Variants in MTA3 observed in about 807,000 individuals in gnomAD.
MTA3 encodes the protein metastasis associated 1 family member 3.
A neutral mutation model predicts 83.5 loss-of-function variants in MTA3; 34 were observed. The ratio of observed to expected loss-of-function variants is 0.41; its 90% CI spans 0.31 to 0.54. The LOEUF is 0.54. Ranked by LOEUF, MTA3 falls within the 20% of genes least tolerant of loss-of-function variation. The pLI is 0.33. For synonymous variants in MTA3, 303 were observed against 252.7 expected, an observed-to-expected ratio of 1.20 and a Z score of -1.89; for missense variants, 761 against 726.4, an observed-to-expected ratio of 1.05 and a Z score of -0.55.
chr2:42,714,114 CA>C (rs1346996403), intron 14 of MTA3, among the ~76,000 whole-genome samples: 5 of 152,180 alleles, frequency 3.3e-5, no homozygotes, highest in Admixed American at 6.5e-5. Context: ...TGACAGATGA[CA>C]AGTTATATTA....
At chr2:42,741,402 CT>C (rs1669016537) in intron 16 of MTA3, among the ~76,000 whole-genome samples, 1 of 152,232 alleles carries the variant, frequency 6.6e-6, no homozygotes, top group African/African-American at 2.4e-5. Context: ...GCATTCACCA[CT>C]TGGTTAACTG....
intron 9 of MTA3, among the ~76,000 whole-genome samples, chr2:42,684,413 C>A (rs6710753): frequency 0.01 from 1,572 of 152,270 alleles, 25 homozygotes; most frequent in African/African-American, 0.036. Context: ...CTGTTAGTGT[C>A]ACTGATAATT....
At position 42,754,695 on chromosome 2, in the gene MTA3, A is replaced by G; in HGVS notation, c.*1296A>G. On this transcript the variant is annotated 3_prime_UTR_variant, in exon 17 of 17. Coordinates refer to ENST00000405094, the MANE Select transcript of MTA3 (RefSeq NM_001330442.2). ...TGATCTCCCAGCCATCTCTGGGGTT[A>G]CTAGGAGGCAGCTGGATGGCAGATA... 1.0e-6 allele frequency: 1 copy of G among 985,540 alleles called. No homozygotes were observed. The highest frequency in any genetic ancestry group is 1.2e-6 in the Non-Finnish European group (1 of 829,968). The allele number at this position is 985,540 out of a possible 1,614,324, so 61.0% of individuals were successfully genotyped here. A position where few individuals can be genotyped will look rare whatever the true frequency, so the allele number is the denominator to read the frequency against.
intron 16 of MTA3, among the ~76,000 whole-genome samples, chr2:42,734,552 T>C (rs1444098530): frequency 6.6e-6 from 1 of 151,718 alleles, no homozygotes; most frequent in Non-Finnish European, 1.5e-5. Flanking sequence ...ACATTCAGTG[T>C]TATTGTTGAT....
At chr2:42,560,745 A>T (rs80008053) in intron 2 of MTA3, among the ~76,000 whole-genome samples, 1 of 145,646 alleles carries the variant, frequency 6.9e-6, no homozygotes, top group Non-Finnish European at 1.5e-5. Context: ...TCTCTACTGG[A>T]AAAAAAAAAA....
Position 42,547,010 on chromosome 2 carries a change from G to C in MTA3, c.-140-23427G>C, listed in dbSNP as rs1023718250. ...GGGCTAATCTGCCAGGCTTCACGAG[G>C]ATGTGGACTTTAAACTGCAGAGGTT... On this transcript the variant is annotated intron_variant, in intron 2 of 17. Transcript: ENST00000405592. Among the ~76,000 whole-genome samples, 25 of 152,194 alleles carry C rather than the reference G, an allele frequency of 1.6e-4. No homozygotes were observed. In the East Asian group the frequency reaches 2.1e-3, roughly 13 times the overall value.
intron 2 of MTA3, among the ~76,000 whole-genome samples, chr2:42,535,906 C>T (rs1447992787): frequency 9.0e-5 from 6 of 66,494 alleles, no homozygotes; most frequent in Admixed American, 1.4e-4. Context: ...ATCCCATGAG[C>T]CCAGGAGTTT....
In MTA3 at chr2:42,520,635, C is replaced by CAGT. The variant is rs1675381721; in HGVS notation, c.-141+25382_-141+25384dup. 2.0e-5 allele frequency among the ~76,000 whole-genome samples: 3 copies of CAGT among 151,850 alleles called. No homozygotes were observed. The South Asian group carries it at 6.3e-4, about 32-fold the overall frequency. On this transcript the variant is annotated intron_variant, in intron 2 of 17. Coordinates refer to the MTA3 transcript ENST00000405592. ...TCACTATGTTGTCCAGGCTGGAGTC[C>CAGT]AGTGGCCTGATCATGAACCTGCTGG...
intron 4 of MTA3, among the ~76,000 whole-genome samples, chr2:42,624,160 C>G (rs964551149): frequency 5.3e-5 from 8 of 151,898 alleles, no homozygotes; most frequent in African/African-American, 1.9e-4. Context: ...GCCTAGTGAT[C>G]CATAATTCAG....
rs1389298056 is a variant in MTA3 at position 42,756,483 on chromosome 2, G to A, written c.*3084G>A. ...GGGCAAGCAGGTGGGGCTGTGCGTG[G>A]CCTCAGTGCACTCGGTGTCATGTCT... is the stretch of plus-strand genomic sequence containing the variant. On this transcript the variant is annotated 3_prime_UTR_variant, in exon 17 of 17. Coordinates refer to ENST00000405094, the MANE Select transcript of MTA3 (RefSeq NM_001330442.2). 14 of 985,438 alleles carry A rather than the reference G, an allele frequency of 1.4e-5. No individual in the cohort carries two copies. The highest frequency in any genetic ancestry group is 1.6e-5 in the Non-Finnish European group (13 of 830,040). The allele number at this position is 985,438 out of a possible 1,614,324, so 61.0% of individuals were successfully genotyped here. A position where few individuals can be genotyped will look rare whatever the true frequency, so the allele number is the denominator to read the frequency against.
intron 3 of MTA3, among the ~76,000 whole-genome samples, chr2:42,607,662 T>C (rs940091092): frequency 4.6e-5 from 7 of 152,188 alleles, no homozygotes; most frequent in Non-Finnish European, 1.0e-4. Flanking sequence ...TTTAAATTTA[T>C]CTTTTGAATT....
intron 3 of MTA3, among the ~76,000 whole-genome samples, chr2:42,600,752 G>A (rs879400428): frequency 3.9e-5 from 6 of 152,190 alleles, no homozygotes; most frequent in South Asian, 2.1e-4. Context: ...TGTTGGCCAG[G>A]GTGGTCTTGA....
At chr2:42,591,790 A>T (rs1489561267) in intron 3 of MTA3, among the ~76,000 whole-genome samples, 1 of 152,138 alleles carries the variant, frequency 6.6e-6, no homozygotes, top group East Asian at 1.9e-4. Flanking sequence ...AGCTGAGATG[A>T]CAGGTGCACA....
At chr2:42,734,875 G>A (rs914837895) in intron 16 of MTA3, among the ~76,000 whole-genome samples, 4 of 151,884 alleles carry the variant, frequency 2.6e-5, no homozygotes, top group South Asian at 2.1e-4. Context: ...TTCATCCCCC[G>A]CTTTTTAACT....
chr2:42,683,281 CT>C (rs927158760), intron 9 of MTA3, among the ~76,000 whole-genome samples: 5 of 152,142 alleles, frequency 3.3e-5, no homozygotes. Flanking sequence ...TTCTAGTTGT[CT>C]TACTAATTGT....
At chr2:42,667,576 G>GTGTGTATGTGTGTGTT (rs1690351800) in intron 8 of MTA3, among the ~76,000 whole-genome samples, 1 of 124,306 alleles carries the variant, frequency 8.0e-6, no homozygotes, top group Non-Finnish European at 1.7e-5. Context: ...AAAATTGTGT[G>GTGTGTATGTGTGTGTT]TGTGTGTGTG....
chr2:42,574,008 A>AT (rs1302454408), intron 2 of MTA3, among the ~76,000 whole-genome samples: 1 of 146,886 alleles, frequency 6.8e-6, no homozygotes, highest in Non-Finnish European at 1.5e-5. Context: ...TTATTTATTT[A>AT]TTATTTATTA....
rs559835273 is a variant in MTA3, at chr2:42,644,075, A to G, written c.382-52A>G. On this transcript the variant is annotated intron_variant, in intron 5 of 16. Coordinates refer to ENST00000405094, the MANE Select transcript of MTA3 (RefSeq NM_001330442.2). Reference sequence around the variant, plus strand: ...GTAGCAACATTGATTTTAATGCTTTATAAGAAGTAGAAGGAATTAAGTATA... The same window carrying G: ...GTAGCAACATTGATTTTAATGCTTTGTAAGAAGTAGAAGGAATTAAGTATA... 4 of 1,101,644 alleles carry G rather than the reference A, an allele frequency of 3.6e-6. No individual in the cohort carries two copies. In the Admixed American group the frequency reaches 7.1e-5, roughly 20 times the overall value. The allele number at this position is 1,101,644 out of a possible 1,614,324, so 68.2% of individuals were successfully genotyped here.
At chr2:42,632,961 C>G (rs1686825651) in intron 4 of MTA3, among the ~76,000 whole-genome samples, 2 of 150,268 alleles carry the variant, frequency 1.3e-5, no homozygotes, top group African/African-American at 5.0e-5. Flanking sequence ...CTTTGTACTC[C>G]TTTTTAAAAA....
Sources: allele counts gnomAD v4.1 joint callset (sites outside exome capture counted in the v4.1 genomes callset), GRCh38; gene constraint gnomAD v4.1.1; transcripts MANE v1.5; gene names NCBI Gene and HGNC (gene_info 2026-07-23, HGNC 2026-07-21).